Variants in PLPPR1 observed in about 807,000 individuals in gnomAD.
PLPPR1 encodes phospholipid phosphatase-related protein type 1.
A neutral mutation model predicts 33.1 loss-of-function variants in PLPPR1; 10 were observed. The ratio of observed to expected loss-of-function variants is 0.30; its 90% CI spans 0.19 to 0.51. PLPPR1 has a LOEUF of 0.51. PLPPR1 is among the 20% of genes least tolerant of loss of function. The pLI, the probability that PLPPR1 is intolerant of heterozygous loss-of-function variation, is 0.97. For missense variants in PLPPR1, 304 were observed against 408.1 expected, an observed-to-expected ratio of 0.74 and a Z score of 2.20; for synonymous variants, 151 against 151.0, an observed-to-expected ratio of 1.00 and a Z score of 0.00.
chr9:101,059,337 G>A (rs918593060), intron 1 of PLPPR1, among the ~76,000 whole-genome samples: 1 of 152,192 alleles, frequency 6.6e-6, no homozygotes, highest in Admixed American at 6.5e-5. Flanking sequence ...AATAGTTTGT[G>A]TGAATCATTC....
intron 2 of PLPPR1, among the ~76,000 whole-genome samples, chr9:101,252,334 C>A (rs1283031342): frequency 6.6e-6 from 1 of 152,056 alleles, no homozygotes. Context: ...AGGTGTTCAC[C>A]TGATTACTTT....
At chr9:101,209,285 T>C (rs1826645282) in intron 2 of PLPPR1, among the ~76,000 whole-genome samples, 1 of 152,220 alleles carries the variant, frequency 6.6e-6, no homozygotes, top group Non-Finnish European at 1.5e-5. Flanking sequence ...TGAAATGAAA[T>C]GAATAAACTA....
At chr9:101,316,579 AT>A (rs1372816578) in intron 6 of PLPPR1, among the ~76,000 whole-genome samples, 1 of 146,694 alleles carries the variant, frequency 6.8e-6, no homozygotes, top group Non-Finnish European at 1.5e-5. Context: ...CAAAGAAAGT[AT>A]GGAAAGAGGC....
chr9:101,083,863 A>T, intron 1 of PLPPR1, among the ~76,000 whole-genome samples: 1 of 152,236 alleles, frequency 6.6e-6, no homozygotes, highest in Non-Finnish European at 1.5e-5. Context: ...AAGTACAGTC[A>T]TGCATAATTC....
At position 101,313,003 on chromosome 9, in the gene PLPPR1, T is replaced by TC. The variant is rs1218708727; in HGVS notation, c.813+34dup. 7 of 1,608,632 alleles carry TC rather than the reference T, an allele frequency of 4.4e-6. No individual in the cohort carries two copies. The East Asian group carries it at 1.6e-4, about 36-fold the overall frequency. ...GGTTGACTTCCCTCTTTTTACCTTT[T>TC]CCCCCTCTTCTACTCTCTGAAAAAC... On this transcript the variant is annotated intron_variant, in intron 6 of 7. Coordinates refer to ENST00000374874, the MANE Select transcript of PLPPR1 (RefSeq NM_207299.2).
At chr9:101,037,455 C>T (rs1359028608) in intron 1 of PLPPR1, among the ~76,000 whole-genome samples, 1 of 151,982 alleles carries the variant, frequency 6.6e-6, no homozygotes, top group African/African-American at 2.4e-5. Flanking sequence ...TCTGGGGTGC[C>T]CTTTTTATTG....
chr9:101,307,301 G>C (rs1828875156), intron 4 of PLPPR1, among the ~76,000 whole-genome samples: 1 of 152,242 alleles, frequency 6.6e-6, no homozygotes, highest in South Asian at 2.1e-4. Context: ...TGCCCTAATT[G>C]GAAACACTTC....
At chr9:101,169,425 T>A (rs535983986) in intron 1 of PLPPR1, among the ~76,000 whole-genome samples, 1 of 152,298 alleles carries the variant, frequency 6.6e-6, no homozygotes, top group African/African-American at 2.4e-5. Context: ...AATGCCCTTC[T>A]AGTCTGGGGA....
intron 5 of PLPPR1, 122 bp downstream of exon 5, chr9:101,309,583 C>A: frequency 9.1e-7 from 1 of 1,093,702 alleles, no homozygotes; most frequent in Non-Finnish European, 1.3e-6. Flanking sequence ...TGGCATATTT[C>A]TCTACATTAT....
intron 3 of PLPPR1, among the ~76,000 whole-genome samples, chr9:101,276,596 T>A (rs1190548913): frequency 6.6e-6 from 1 of 152,268 alleles, no homozygotes; most frequent in East Asian, 1.9e-4. Flanking sequence ...TTTACTTCAA[T>A]GCATTTTACT....
chr9:101,291,598 A>AG lies in PLPPR1; in HGVS notation c.385+5363dup, dbSNP rs1828509999. 7.9e-5 allele frequency among the ~76,000 whole-genome samples: 12 copies of AG among 152,312 alleles called. No homozygotes were observed. In the South Asian group the frequency reaches 2.5e-3, roughly 32 times the overall value. On this transcript the variant is annotated intron_variant, in intron 4 of 7. Coordinates refer to ENST00000374874, the MANE Select transcript of PLPPR1 (RefSeq NM_207299.2). ...GGTACTCCTCTGAGACAAAACTTCC[A>AG]GAGGAATGATCAGACAGCAGCATTC...
At chr9:101,248,678 A>T (rs1420249344) in intron 2 of PLPPR1, among the ~76,000 whole-genome samples, 2 of 152,044 alleles carry the variant, frequency 1.3e-5, no homozygotes, top group Non-Finnish European at 2.9e-5. Flanking sequence ...TATCATGTGT[A>T]TTAGGATAAT....
chr9:101,147,878 G>T (rs1304295300), intron 1 of PLPPR1, among the ~76,000 whole-genome samples: 1 of 152,178 alleles, frequency 6.6e-6, no homozygotes, highest in African/African-American at 2.4e-5. Context: ...GAATGCCCAG[G>T]AGTGTTCTGA....
At chr9:101,181,733 G>A (rs1223028510) in intron 1 of PLPPR1, among the ~76,000 whole-genome samples, 4 of 3,014 alleles carry the variant, frequency 1.3e-3, no homozygotes, top group East Asian at 6.9e-3. Flanking sequence ...GGGGGTGTGT[G>A]TGTGTATATA....
At chr9:101,115,105 G>A (rs1167222729) in intron 1 of PLPPR1, among the ~76,000 whole-genome samples, 1 of 152,068 alleles carries the variant, frequency 6.6e-6, no homozygotes, top group Non-Finnish European at 1.5e-5. Flanking sequence ...CTCACATTCT[G>A]TCCCATCTCC....
chr9:101,189,880 T>C (rs888141168), intron 2 of PLPPR1, among the ~76,000 whole-genome samples: 5 of 151,936 alleles, frequency 3.3e-5, no homozygotes, highest in African/African-American at 1.2e-4. Flanking sequence ...TGTCCTATTA[T>C]CTGAAAATAT....
intron 2 of PLPPR1, among the ~76,000 whole-genome samples, chr9:101,260,433 G>A (rs1353038926): frequency 6.6e-6 from 1 of 152,114 alleles, no homozygotes; most frequent in Non-Finnish European, 1.5e-5. Flanking sequence ...GCCTGAAGGT[G>A]GCAGTGGCAG....
intron 5 of PLPPR1, among the ~76,000 whole-genome samples, chr9:101,310,208 CT>C (rs573385501): frequency 5.5e-4 from 84 of 152,296 alleles, no homozygotes; most frequent in African/African-American, 1.9e-3. Context: ...CTTCATTTCA[CT>C]CTTGTCTGGC....
chr9:101,133,732 G>A (rs1322280029), intron 1 of PLPPR1, among the ~76,000 whole-genome samples: 4 of 152,126 alleles, frequency 2.6e-5, no homozygotes, highest in African/African-American at 7.2e-5. Context: ...ACTGTTGTAT[G>A]CCTACTATAC....
Sources: allele counts gnomAD v4.1 joint callset (sites outside exome capture counted in the v4.1 genomes callset), GRCh38; gene constraint gnomAD v4.1.1; transcripts MANE v1.5; gene names NCBI Gene and HGNC (gene_info 2026-07-23, HGNC 2026-07-21).